SPMAP2L: variants seen among roughly 807,000 people sequenced by gnomAD.
SPMAP2L encodes the protein sperm microtubule associated protein 2-like.
chr4:56,535,493 C>G, the SPMAP2L span, among the ~76,000 whole-genome samples: 6 of 152,106 alleles, frequency 3.9e-5, no homozygotes, highest in East Asian at 1.9e-4. Flanking sequence ...TGACGTACCC[C>G]CTGCTTGCTC....
the SPMAP2L span, among the ~76,000 whole-genome samples, chr4:56,545,266 CCTGA>C: frequency 6.6e-6 from 1 of 152,162 alleles, no homozygotes; most frequent in African/African-American, 2.4e-5. Flanking sequence ...TTACCCTTCT[CCTGA>C]CTATTTTTCT....
chr4:56,614,163 T>C, the SPMAP2L span, among the ~76,000 whole-genome samples: 1 of 152,136 alleles, frequency 6.6e-6, no homozygotes, highest in Non-Finnish European at 1.5e-5. Flanking sequence ...ATTGATAGAC[T>C]CTATAAGGAA....
chr4:56,563,425 T>G, the SPMAP2L span, among the ~76,000 whole-genome samples: 1 of 151,950 alleles, frequency 6.6e-6, no homozygotes, highest in Non-Finnish European at 1.5e-5. Context: ...CTTTTGATGC[T>G]CATTATGAAT....
the SPMAP2L span, among the ~76,000 whole-genome samples, chr4:56,561,317 A>T: frequency 6.6e-6 from 1 of 152,164 alleles, no homozygotes; most frequent in Non-Finnish European, 1.5e-5. Flanking sequence ...GTTACTATTA[A>T]ATTTAATTCA....
the SPMAP2L span, among the ~76,000 whole-genome samples, chr4:56,544,878 A>G: frequency 6.6e-6 from 1 of 152,246 alleles, no homozygotes; most frequent in African/African-American, 2.4e-5. Flanking sequence ...CAACGGCAGC[A>G]TTCTCAACAG....
At chr4:56,547,563 A>G in the SPMAP2L span, among the ~76,000 whole-genome samples, 3 of 152,198 alleles carry the variant, frequency 2.0e-5, no homozygotes, top group African/African-American at 7.2e-5. Flanking sequence ...AGTAATCTTT[A>G]CACAGACCTA....
At chr4:56,566,689 CTTTTTCTTTTTTT>C in the SPMAP2L span, among the ~76,000 whole-genome samples, 7 of 107,038 alleles carry the variant, frequency 6.5e-5, no homozygotes, top group Admixed American at 2.2e-4. Context: ...TTTTCTTTTT[CTTTTTCTTTTTTT>C]TTTTTTTTTT....
the SPMAP2L span, chr4:56,592,910 G>A: frequency 1.2e-6 from 2 of 1,608,230 alleles, no homozygotes; most frequent in East Asian, 2.2e-5. Context: ...CTTGGGGCTG[G>A]CGAGCATTGA....
chr4:56,541,475 TTTATTTCTAAG>T, the SPMAP2L span, among the ~76,000 whole-genome samples: 6 of 152,346 alleles, frequency 3.9e-5, no homozygotes, highest in East Asian at 1.2e-3. Context: ...GCACATTGTT[TTTATTTCTAAG>T]TTATTTGAGA....
chr4:56,590,613 T>TCCAC, the SPMAP2L span, among the ~76,000 whole-genome samples: 2 of 152,202 alleles, frequency 1.3e-5, no homozygotes, highest in East Asian at 3.8e-4. Flanking sequence ...ACAGGCATGA[T>TCCAC]CCACCACACC....
chr4:56,551,980 C>G, the SPMAP2L span, among the ~76,000 whole-genome samples: 1 of 152,168 alleles, frequency 6.6e-6, no homozygotes, highest in East Asian at 1.9e-4. Context: ...TTATGTCACT[C>G]CAAACAACTG....
chr4:56,592,939 G>A, the SPMAP2L span: 2 of 1,604,570 alleles, frequency 1.2e-6, no homozygotes, highest in South Asian at 1.1e-5. Flanking sequence ...TCGAGAAGAC[G>A]GTCCCTGCCA....
the SPMAP2L span, among the ~76,000 whole-genome samples, chr4:56,600,108 T>TC: frequency 1.1e-5 from 1 of 91,294 alleles, no homozygotes; most frequent in South Asian, 3.8e-4. Flanking sequence ...TTTTTTTTTT[T>TC]TTTTTTTTTT....
chr4:56,574,422 A>G, the SPMAP2L span, among the ~76,000 whole-genome samples: 3 of 152,180 alleles, frequency 2.0e-5, no homozygotes, highest in East Asian at 5.8e-4. Context: ...GTGCTTCTAA[A>G]AATAATAAAT....
the SPMAP2L span, among the ~76,000 whole-genome samples, chr4:56,601,261 C>T: frequency 2.4e-3 from 364 of 152,214 alleles, no homozygotes; most frequent in African/African-American, 8.3e-3. Flanking sequence ...TATTGTGATA[C>T]ATCTATGGTC....
chr4:56,608,044 G>T, the SPMAP2L span, among the ~76,000 whole-genome samples: 2 of 150,184 alleles, frequency 1.3e-5, no homozygotes, highest in Non-Finnish European at 3.0e-5. Context: ...GGACAGTAAA[G>T]GCCATTTTAG....
chr4:56,561,342 A>G, the SPMAP2L span, among the ~76,000 whole-genome samples: 1 of 152,174 alleles, frequency 6.6e-6, no homozygotes, highest in African/African-American at 2.4e-5. Flanking sequence ...ATATTTTGCT[A>G]CAACAGAATA....
the SPMAP2L span, among the ~76,000 whole-genome samples, chr4:56,544,868 C>A: frequency 6.6e-6 from 1 of 152,240 alleles, no homozygotes; most frequent in Non-Finnish European, 1.5e-5. Flanking sequence ...GAAAGCTCAG[C>A]AACGGCAGCA....
At chr4:56,587,977 T>C in the SPMAP2L span, among the ~76,000 whole-genome samples, 3 of 152,192 alleles carry the variant, frequency 2.0e-5, no homozygotes, top group African/African-American at 7.2e-5. Context: ...CACACCAACA[T>C]CTACTGTTTT....
Sources: gnomAD v4.1 joint callset for allele counts (sites outside exome capture counted in the v4.1 genomes callset) on GRCh38, gnomAD v4.1.1 for gene constraint, MANE v1.5 for transcripts, NCBI Gene and HGNC (gene_info 2026-07-23, HGNC 2026-07-21) for gene names.